ABCD4: variants seen among roughly 807,000 people sequenced by gnomAD.
The protein encoded by ABCD4 is ATP binding cassette subfamily D member 4.
Under a neutral mutation model 86.3 loss-of-function variants are expected in ABCD4, and 53 were observed. The ratio of observed to expected loss-of-function variants is 0.61; its 90% CI spans 0.49 to 0.77. The LOEUF is 0.77. ABCD4 is among the 30% of genes least tolerant of loss of function. The pLI is 0.00. For synonymous variants in ABCD4, 328 were observed against 313.6 expected (o/e 1.05, Z -0.49); for missense variants, 757 against 764.5 (o/e 0.99, Z 0.12).
chr14:74,287,469 A>C (rs2080080856), intron 17 of ABCD4, among the ~76,000 whole-genome samples: 1 of 150,424 alleles, frequency 6.6e-6, no homozygotes, highest in African/African-American at 2.4e-5. Flanking sequence ...TGGGAGGATC[A>C]CTTAAGCCTG....
intron 13 of ABCD4, 196 bp from the exon 14 acceptor site, chr14:74,289,715 G>A (rs1376131888): frequency 8.3e-6 from 12 of 1,438,460 alleles, no homozygotes; most frequent in Non-Finnish European, 1.0e-5. Flanking sequence ...AGTGTGTTTA[G>A]GGGGAACAGT....
At chr14:74,295,300 T>C in intron 6 of ABCD4, 102 bp from the exon 7 acceptor site, 1 of 1,416,656 alleles carries the variant, frequency 7.1e-7, no homozygotes. Context: ...AGCCCGGCTC[T>C]GCCTCAAAAC....
At chr14:74,289,314 C>T (rs1006900123) in intron 14 of ABCD4, 169 bp downstream of exon 14, 13 of 1,420,862 alleles carry the variant, frequency 9.1e-6, no homozygotes, top group Non-Finnish European at 1.2e-5. Context: ...GAGGTGAGAT[C>T]TGGGTACAGA....
At chr14:74,292,160 T>C in intron 11 of ABCD4, 127 bp downstream of exon 11, 1 of 827,296 alleles carries the variant, frequency 1.2e-6, no homozygotes, top group Non-Finnish European at 2.0e-6. Flanking sequence ...GTGCCTGGCA[T>C]TCCATTTCCA....
rs1227169229 is a variant in ABCD4, at chr14:74,285,469, T to G, written c.*992A>C. The G allele has an allele frequency of 1.3e-5, 2 of 152,210 alleles. No individual in the cohort carries two copies. Among genetic ancestry groups the G allele is most frequent in the African/African-American group, 4.8e-5 (2 of 41,434 alleles). 9.4% of individuals were successfully genotyped at this position (152,210 alleles called of 1,614,324 possible). A position where few individuals can be genotyped will look rare whatever the true frequency, so the allele number is the denominator to read the frequency against. ...TTAGTTACTTTCCATCTATGTTAAG[T>G]GTAAAATTTCACTTAAAAATCCATT... On this transcript the variant is annotated 3_prime_UTR_variant, in exon 19 of 19. Coordinates refer to ENST00000356924, the MANE Select transcript of ABCD4 (RefSeq NM_005050.4).
chr14:74,287,913 C>T (rs1398676330), intron 16 of ABCD4, 27 bp from the exon 17 acceptor site: 1 of 1,589,596 alleles, frequency 6.3e-7, no homozygotes. Context: ...GAGAGGACTG[C>T]TAGAGGAGGA....
At chr14:74,289,111 CAAAAAAAAAAAAA>C (rs60498100) in intron 14 of ABCD4, 131 of 763,888 alleles carry the variant, frequency 1.7e-4, no homozygotes, top group Admixed American at 5.2e-4. Context: ...AACTCCATCT[CAAAAAAAAAAAAA>C]AAAAAAAAAA....
In ABCD4 at chr14:74,292,433, CT is replaced by C. The variant is rs2081760343; in HGVS notation, c.1029-58del. 7 of 1,600,046 alleles carry C rather than the reference CT, an allele frequency of 4.4e-6. No individual in the cohort carries two copies. The East Asian group carries it at 1.3e-4, about 31-fold the overall frequency. On this transcript the variant is annotated intron_variant, in intron 10 of 18. Transcript: ENST00000356924. ...CTGGGAGCCAGGTGAAGGTGAACTC[CT>C]TTTCCTATCTCACACCCACGAGTAC...
In ABCD4 at chr14:74,296,361, C is replaced by T. The variant is rs34992370; in HGVS notation, c.514G>A (p.Val172Ile). 0.012 allele frequency: 19,692 copies of T among 1,613,968 alleles called. 2,021 individuals are homozygous for T. The African/African-American group carries it at 0.23, about 19-fold the overall frequency. ...TGGAAGCACTGGTAAGTGTAGTAGACGAGGGTGAACGGGGAGATGATGAGC... is the reference window on the plus strand; with the variant it reads ...TGGAAGCACTGGTAAGTGTAGTAGATGAGGGTGAACGGGGAGATGATGAGC... ...SKLIISPFTL[V>I]YYTYQCFQST... Residue 172 changes from valine to isoleucine, a missense_variant, in exon 5 of 19, where the codon GTC (valine) becomes ATC (isoleucine). Physicochemically the swap from Val to Ile is conservative, Grantham distance 29. Coordinates refer to ENST00000356924, the MANE Select transcript of ABCD4 (RefSeq NM_005050.4).
intron 8 of ABCD4, 36 bp downstream of exon 8, chr14:74,293,118 C>A (rs764444505): frequency 6.2e-7 from 1 of 1,600,800 alleles, no homozygotes; most frequent in East Asian, 2.2e-5. Flanking sequence ...CCAGTCCAAC[C>A]CCATGGTTCC....
Position 74,287,985 on chromosome 14 carries a change from G to A in ABCD4, c.1560-99C>T, listed in dbSNP as rs888347791. 3.2e-6 allele frequency: 4 copies of A among 1,231,670 alleles called. No individual in the cohort carries two copies. In the Admixed American group the frequency reaches 6.0e-5, roughly 18 times the overall value. 76.3% of individuals were successfully genotyped at this position (1,231,670 alleles called of 1,614,324 possible). A position where few individuals can be genotyped will look rare whatever the true frequency, so the allele number is the denominator to read the frequency against. On this transcript the variant is annotated intron_variant, in intron 16 of 18. Coordinates refer to ENST00000356924, the MANE Select transcript of ABCD4 (RefSeq NM_005050.4). ...TAGGAAGAGGTTTCTCTGCACAGAGGTGAGCCCCAGGAGACAGAAGCCCCT... is the reference window on the plus strand; with the variant it reads ...TAGGAAGAGGTTTCTCTGCACAGAGATGAGCCCCAGGAGACAGAAGCCCCT...
chr14:74,291,488 A>G (rs934073103), intron 11 of ABCD4, among the ~76,000 whole-genome samples: 1 of 152,218 alleles, frequency 6.6e-6, no homozygotes, highest in Non-Finnish European at 1.5e-5. Flanking sequence ...CCAGAGTACT[A>G]ATAACAAGAA....
At chr14:74,295,715 T>C (rs1358657562) in intron 6 of ABCD4, 139 bp downstream of exon 6, 6 of 1,112,996 alleles carry the variant, frequency 5.4e-6, no homozygotes, top group Non-Finnish European at 7.8e-6. Context: ...CATTGAAGCT[T>C]GGAGAGGTTA....
Position 74,302,868 on chromosome 14 carries a change from T to A in ABCD4, c.38+7A>T. On this transcript the variant is annotated splice_region_variant and intron_variant, in intron 1 of 18. Transcript: ENST00000356924. ...TCCCAAACCTCCTCCCCGACCGCCC[T>A]GCTTACCTGGCGCCAGCTCCGGGCG... 6.2e-7 allele frequency: 1 copy of A among 1,607,330 alleles called. No individual in the cohort carries two copies. The highest frequency in any genetic ancestry group is 8.5e-7 in the Non-Finnish European group (1 of 1,177,158).
At chr14:74,289,405 C>T in intron 14 of ABCD4, 78 bp downstream of exon 14, 1 of 1,587,554 alleles carries the variant, frequency 6.3e-7, no homozygotes, top group Admixed American at 1.8e-5. Context: ...CCCAAGGGCA[C>T]AGATGAGGCC....
At chr14:74,291,007 G>C (rs1169605292) in intron 11 of ABCD4, among the ~76,000 whole-genome samples, 1 of 152,124 alleles carries the variant, frequency 6.6e-6, no homozygotes, top group Non-Finnish European at 1.5e-5. Context: ...ATGTTAACAT[G>C]AAGTTGTTGG....
chr14:74,295,164 G>T lies in ABCD4; in HGVS notation c.703C>A (p.Pro235Thr). 1 of 1,614,200 alleles carries T rather than the reference G, an allele frequency of 6.2e-7. No homozygotes were observed. The highest frequency in any genetic ancestry group is 8.5e-7 in the Non-Finnish European group (1 of 1,180,042). Residue 235 changes from proline to threonine, a missense_variant, in exon 7 of 19, where the codon CCT (proline) becomes ACT (threonine). Transcript: ENST00000356924. ...CAGACTCACCTGTAGAAAGCAGCAGGCTCCGCATTCACCCGAATCTGCATG... is the reference window on the plus strand; with the variant it reads ...CAGACTCACCTGTAGAAAGCAGCAGTCTCCGCATTCACCCGAATCTGCATG... ...KHMQIRVNAEPAAFYRAGHVE... is the reference protein window; with the variant it reads ...KHMQIRVNAETAAFYRAGHVE...
chr14:74,300,328 A>G (rs774819666), intron 1 of ABCD4, 60 bp from the exon 2 acceptor site: 5 of 1,123,290 alleles, frequency 4.5e-6, no homozygotes, highest in Non-Finnish European at 6.8e-6. Context: ...CTTAGGGAGT[A>G]GTTATTAAGC....
intron 2 of ABCD4, 106 bp from the exon 3 acceptor site, chr14:74,299,781 G>T: frequency 8.3e-7 from 1 of 1,208,078 alleles, no homozygotes; most frequent in Non-Finnish European, 1.2e-6. Context: ...ATGAAAAGGG[G>T]CCGGGCGCGG....
Sources: gnomAD v4.1 joint callset for allele counts (sites outside exome capture counted in the v4.1 genomes callset) on GRCh38, gnomAD v4.1.1 for gene constraint, MANE v1.5 for transcripts, NCBI Gene and HGNC (gene_info 2026-07-23, HGNC 2026-07-21) for gene names.